The following CACNA2D4 variants were observed in gnomAD, a reference collection of about 807,000 sequenced individuals.
CACNA2D4 encodes voltage-dependent calcium channel subunit alpha-2/delta-4.
In CACNA2D4, 157 loss-of-function variants were observed where a neutral mutation model predicts 163.8. The ratio of observed to expected loss-of-function variants is 0.96; its 90% confidence interval spans 0.84 to 1.09. The LOEUF (loss-of-function observed/expected upper bound fraction) is 1.09. CACNA2D4 is among the 50% of genes least tolerant of loss of function. CACNA2D4 has a pLI of 0.00. For synonymous variants in CACNA2D4, 598 were observed against 586.9 expected, an observed-to-expected ratio of 1.02 and a Z score of -0.27; for missense variants, 1,410 against 1,479.9, an observed-to-expected ratio of 0.95 and a Z score of 0.78.
rs528839532 is a variant in CACNA2D4, at chr12:1,885,944, C to T, written c.1068+21G>A. The T allele has an allele frequency of 2.5e-6, 4 of 1,590,158 alleles. No individual in the cohort carries two copies. In the South Asian group the frequency reaches 4.5e-5, roughly 18 times the overall value. On this transcript the variant is annotated intron_variant, in intron 9 of 37. Transcript: ENST00000382722. ...GACAAGAGCAGGGGCTTGGAAGTCT[C>T]AGGCCACCGTGGACACTCACCTCTC...
intron 26 of CACNA2D4, among the ~76,000 whole-genome samples, chr12:1,811,977 C>T (rs1863727877): frequency 6.6e-6 from 1 of 152,142 alleles, no homozygotes; most frequent in Non-Finnish European, 1.5e-5. Flanking sequence ...AGTGATGAGG[C>T]TCCCATTCCA....
rs545812905 is a variant in CACNA2D4 at position 1,874,375 on chromosome 12, C to T, written c.1878+229G>A. ...TTGGCCAGCTTTCTCCCCAGCTCAGCGGTCTCCCAAAAGCCAAGCATTGCA... is the reference window on the plus strand; with the variant it reads ...TTGGCCAGCTTTCTCCCCAGCTCAGTGGTCTCCCAAAAGCCAAGCATTGCA... On this transcript the variant is annotated intron_variant, in intron 18 of 37. Transcript: ENST00000382722. This position sits in a 1 kb window ranked among gnomAD's most constrained non-coding sequence, Gnocchi z 4.4. Among the ~76,000 whole-genome samples, 2 of 152,182 alleles carry T rather than the reference C, an allele frequency of 1.3e-5. No individual in the cohort carries two copies. Among genetic ancestry groups the T allele is most frequent in the African/African-American group, 4.8e-5 (2 of 41,444 alleles).
Position 1,834,622 on chromosome 12 carries a change from C to T in CACNA2D4, c.2551+6117G>A. On this transcript the variant is annotated intron_variant, in intron 26 of 37. Transcript: ENST00000382722. This position sits in a 1 kb window ranked among gnomAD's most constrained non-coding sequence, Gnocchi z 7.6. ...CCTATGGCTGCATCTACGCCTCCCT[C>T]ATGGCCAAGTACCACCGGGAGCTCA... The T allele has an allele frequency of 6.2e-7, 1 of 1,600,182 alleles. No homozygotes were observed. Among genetic ancestry groups the T allele is most frequent in the Non-Finnish European group, 8.5e-7 (1 of 1,179,918 alleles).
intron 34 of CACNA2D4, 137 bp from the exon 35 acceptor site, chr12:1,797,672 G>A (rs1223972410): frequency 5.5e-6 from 4 of 721,410 alleles, no homozygotes; most frequent in Admixed American, 4.3e-5. Context: ...CAGGACACGC[G>A]TGGGAGGAGC....
At position 1,913,098 on chromosome 12, in the gene CACNA2D4, C is replaced by T. The variant is rs1427564450; in HGVS notation, c.351G>A (p.Val117=). ...DVESSLKIEE[V]DGLELVRKFS... ...ACTTCCTCACCAGCTCCAAGCCATC[C>T]ACCTCCTCGATCTTCAGACTGGACT... is the stretch of plus-strand genomic sequence containing the variant. Residue 117 remains valine, a synonymous_variant, in exon 3 of 38, where the codon GTG becomes GTA. Transcript: ENST00000382722. The T allele has an allele frequency of 5.6e-6, 9 of 1,613,942 alleles. No homozygotes were observed. The highest frequency in any genetic ancestry group is 3.3e-4 in the Middle Eastern group (2 of 6,062).
intron 30 of CACNA2D4, 151 bp downstream of exon 30, chr12:1,801,423 C>T (rs944495786): frequency 1.4e-6 from 1 of 710,654 alleles, no homozygotes; most frequent in African/African-American, 1.7e-5. Context: ...CATGCTGACG[C>T]CCTGGCTCCA....
chr12:1,893,125 A>G (rs753339022), intron 6 of CACNA2D4, among the ~76,000 whole-genome samples: 3 of 152,248 alleles, frequency 2.0e-5, no homozygotes, highest in Non-Finnish European at 4.4e-5. Context: ...TTTAAACTGC[A>G]CATTTGACTA....
At chr12:1,893,110 A>T (rs2429152) in intron 6 of CACNA2D4, among the ~76,000 whole-genome samples, 139,510 of 152,276 alleles carry the variant, frequency 0.92, 64,093 homozygotes, top group East Asian at 1. Flanking sequence ...ACCAAAAAAA[A>T]TGGATTTAAA....
chr12:1,887,484 G>A (rs1189254296), intron 6 of CACNA2D4, among the ~76,000 whole-genome samples: 1 of 152,224 alleles, frequency 6.6e-6, no homozygotes, highest in Non-Finnish European at 1.5e-5. Context: ...AAGCTCATTA[G>A]CACTCAGGAT....
chr12:1,915,504 G>A (rs572048398), intron 1 of CACNA2D4, among the ~76,000 whole-genome samples: 1 of 152,284 alleles, frequency 6.6e-6, no homozygotes, highest in East Asian at 1.9e-4. Flanking sequence ...TCAATAAATC[G>A]TTCCCTCCAG....
In CACNA2D4 at chr12:1,792,770, G is replaced by A. The variant is rs1379027078; in HGVS notation, c.*885C>T. 2 of 152,256 alleles carry A rather than the reference G, an allele frequency of 1.3e-5. No individual in the cohort carries two copies. Among genetic ancestry groups the A allele is most frequent in the East Asian group, 1.9e-4 (1 of 5,176 alleles). 9.4% of individuals were successfully genotyped at this position (152,256 alleles called of 1,614,324 possible). A position where few individuals can be genotyped will look rare whatever the true frequency, so the allele number is the denominator to read the frequency against. ...TCCAACCCTAAGGATTTCACTCCAG[G>A]GACAGAGTCAAGTAGATTCTTTTGT... On this transcript the variant is annotated 3_prime_UTR_variant, in exon 38 of 38. Transcript: ENST00000382722.
At chr12:1,827,970 G>A in intron 26 of CACNA2D4, 1 of 443,838 alleles carries the variant, frequency 2.3e-6, no homozygotes. Flanking sequence ...AGAGGAACAG[G>A]AGAGGGCATG....
chr12:1,889,808 A>G (rs919509969), intron 6 of CACNA2D4, among the ~76,000 whole-genome samples: 21 of 152,218 alleles, frequency 1.4e-4, no homozygotes, highest in African/African-American at 5.1e-4. Context: ...AAATATAAAA[A>G]CACCAGGACA....
intron 26 of CACNA2D4, among the ~76,000 whole-genome samples, chr12:1,815,595 C>T (rs1038849504): frequency 1.3e-5 from 2 of 151,440 alleles, no homozygotes; most frequent in East Asian, 3.9e-4. Context: ...ATCCCCAGCA[C>T]CTAGAATCGT....
Position 1,878,240 on chromosome 12 carries a change from GT to G in CACNA2D4, c.1719+74del. 5 of 1,511,134 alleles carry G rather than the reference GT, an allele frequency of 3.3e-6. No individual in the cohort carries two copies. The highest frequency in any genetic ancestry group is 4.5e-6 in the Non-Finnish European group (5 of 1,108,808). The allele number at this position is 1,511,134 out of a possible 1,614,324, so 93.6% of individuals were successfully genotyped here. On this transcript the variant is annotated intron_variant, in intron 16 of 37. Transcript: ENST00000382722. This position sits in a 1 kb window ranked among gnomAD's most constrained non-coding sequence, Gnocchi z 4.6. ...AAATGGAGCCCAATGTGTGTTTGTT[GT>G]TTTAATCGTTTTTGTGAATTACCCC...
chr12:1,883,980 C>T lies in CACNA2D4; in HGVS notation c.1351+263G>A. The T allele has an allele frequency of 2.1e-6, 1 of 486,154 alleles. No individual in the cohort carries two copies. The highest frequency in any genetic ancestry group is 3.7e-6 in the Non-Finnish European group (1 of 272,226). 30.1% of individuals were successfully genotyped at this position (486,154 alleles called of 1,614,324 possible). ...TTATTCCAGAGAAAACAGTGACCCT[C>T]TGCTTTTTGTCTGGGAGCAGAACCA... On this transcript the variant is annotated intron_variant, in intron 12 of 37. Coordinates refer to ENST00000382722, the MANE Select transcript of CACNA2D4 (RefSeq NM_172364.5). The surrounding 1 kb of genome is among the most constrained non-coding windows in gnomAD (Gnocchi z 4.5).
At chr12:1,864,187 T>TAACGG (rs1865589744) in intron 18 of CACNA2D4, among the ~76,000 whole-genome samples, 1 of 152,198 alleles carries the variant, frequency 6.6e-6, no homozygotes, top group Non-Finnish European at 1.5e-5. Flanking sequence ...TGAGCCGACC[T>TAACGG]TCAGGCTCCT....
In CACNA2D4 at chr12:1,879,853, G is replaced by A. The variant is rs1865957014; in HGVS notation, c.1514C>T (p.Thr505Ile). Residue 505 changes from threonine to isoleucine, a missense_variant, in exon 14 of 38, where the codon ACA becomes ATA. Thr to Ile is a moderately conservative substitution (Grantham distance 89). Transcript: ENST00000382722. ...TGGCATGGCCACAGTGGTGAGCAGTGTCAGGCTCTGAGCCTGCGAGCTGAG... is the reference window on the plus strand; with the variant it reads ...TGGCATGGCCACAGTGGTGAGCAGTATCAGGCTCTGAGCCTGCGAGCTGAG... ...KLLSSQAQSLTLLTTVAMPVF... is the reference protein window; with the variant it reads ...KLLSSQAQSLILLTTVAMPVF... 1.9e-6 allele frequency: 3 copies of A among 1,601,840 alleles called. No individual in the cohort carries two copies. Among genetic ancestry groups the A allele is most frequent in the South Asian group, 2.3e-5 (2 of 88,294 alleles).
intron 6 of CACNA2D4, among the ~76,000 whole-genome samples, chr12:1,894,799 T>C (rs1441821995): frequency 6.6e-6 from 1 of 152,156 alleles, no homozygotes; most frequent in African/African-American, 2.4e-5. Context: ...GGGGAAAATC[T>C]GAAAGCCTTT....
Sources: allele counts gnomAD v4.1 joint callset (sites outside exome capture counted in the v4.1 genomes callset), GRCh38; gene constraint gnomAD v4.1.1; non-coding constraint Gnocchi (gnomAD v3.1); transcripts MANE v1.5; gene names NCBI Gene and HGNC (gene_info 2026-07-23, HGNC 2026-07-21).